Variants in ZNF718 observed in about 807,000 individuals in gnomAD.
ZNF718 encodes zinc finger protein 718.
Under a neutral mutation model 2.6 loss-of-function variants are expected in ZNF718, and 3 were observed. That is an observed-to-expected ratio of 1.16 (90% CI 0.53 to 3.01). The LOEUF is 3.01. ZNF718 is among the 30% of genes most tolerant of loss of function. The pLI is 0.03. For missense variants in ZNF718, 468 were observed against 230.0 expected (o/e 2.03, Z -6.69); for synonymous variants, 135 against 77.9 (o/e 1.73, Z -3.86).
At chr4:160,070 T>A (rs559936632) in intron 3 of ZNF718, among the ~76,000 whole-genome samples, 2 of 152,350 alleles carry the variant, frequency 1.3e-5, no homozygotes, top group African/African-American at 2.4e-5. Context: ...CTGTTCCCTG[T>A]TTTTAGCACT....
chr4:189,059 ATTTTTT>A (rs1228743332), intron 3 of ZNF718, among the ~76,000 whole-genome samples: 59 of 134,832 alleles, frequency 4.4e-4, no homozygotes, highest in Non-Finnish European at 1.9e-4. Context: ...TCTGTAGATT[ATTTTTT>A]TTTTTTTTTT....
chr4:182,493 G>A (rs1458974231), intron 3 of ZNF718, among the ~76,000 whole-genome samples: 4 of 151,878 alleles, frequency 2.6e-5, no homozygotes, highest in South Asian at 2.1e-4. Flanking sequence ...GAGTGCAGTG[G>A]CATGATCTCG....
chr4:187,973 G>T (rs4522818), intron 3 of ZNF718, among the ~76,000 whole-genome samples: 19,352 of 152,162 alleles, frequency 0.13, 1,699 homozygotes, highest in Admixed American at 0.24. Flanking sequence ...GGGAGTACCT[G>T]CCCAGCAAGG....
chr4:124,921 C>T (rs1715129367), intron 1 of ZNF718: 2 of 447,724 alleles, frequency 4.5e-6, no homozygotes, highest in African/African-American at 2.0e-5. Context: ...AGTAGGAGCT[C>T]ATCCGGAAGA....
chr4:172,461 A>G (rs1717258347), intron 3 of ZNF718, among the ~76,000 whole-genome samples: 1 of 152,228 alleles, frequency 6.6e-6, no homozygotes. Flanking sequence ...AATCATAGCT[A>G]ATTTGTGCCA....
At position 161,989 on chromosome 4, in the gene ZNF718, C is replaced by A. The variant is rs1553815511; in HGVS notation, c.1304C>A (p.Ser435Tyr). Residue 435 changes from serine (S) to tyrosine (Y), a missense_variant, in exon 4 of 4, where the codon TCC becomes TAC. Coordinates refer to ENST00000510175, the MANE Select transcript of ZNF718 (RefSeq NM_001039127.6). The stretch of plus-strand genomic sequence containing the variant: ...CAATGTGGCAAAGCCTTTAAACAGT[C>A]CTCACACTTGAATAAACATAAGAAA... Reference protein sequence around the residue: ...CKQCGKAFKQSSHLNKHKKIH... With the variant: ...CKQCGKAFKQYSHLNKHKKIH... The A allele has an allele frequency of 1.3e-6, 1 of 779,712 alleles. No individual in the cohort carries two copies. Among genetic ancestry groups the A allele is most frequent in the Non-Finnish European group, 2.4e-6 (1 of 417,410 alleles). 48.3% of individuals were successfully genotyped at this position (779,712 alleles called of 1,614,324 possible).
chr4:157,550 A>G (rs991928766), intron 3 of ZNF718, among the ~76,000 whole-genome samples: 7 of 152,192 alleles, frequency 4.6e-5, no homozygotes, highest in Non-Finnish European at 1.0e-4. Flanking sequence ...TCTGATTATT[A>G]CATTCAACAG....
At position 124,620 on chromosome 4, in the gene ZNF718, G is replaced by A; in HGVS notation, c.-51G>A. 1 of 1,603,584 alleles carries A rather than the reference G, an allele frequency of 6.2e-7. No homozygotes were observed. The highest frequency in any genetic ancestry group is 8.5e-7 in the Non-Finnish European group (1 of 1,178,862). On this transcript the variant is annotated 5_prime_UTR_variant, in exon 1 of 4. Transcript: ENST00000510175. ...AGCCTCTGTGGCTCTGTGACCTGCCGGTATTGGATGATTCGTATCTAAGAC... is the reference window on the plus strand; with the variant it reads ...AGCCTCTGTGGCTCTGTGACCTGCCAGTATTGGATGATTCGTATCTAAGAC...
rs1374658464 is a variant in ZNF718, at chr4:161,718, G to C, written c.1033G>C (p.Gly345Arg). ...GAAACCCTACAAATGTGAAGAATGTGGAAAATCCTTTAATAGGTCCACAAC... is the reference window on the plus strand; with the variant it reads ...GAAACCCTACAAATGTGAAGAATGTCGAAAATCCTTTAATAGGTCCACAAC... ...GEKPYKCEEC[G>R]KSFNRSTTLT... The change falls in exon 4 of 4, where the codon GGA (glycine) becomes CGA (arginine). Residue 345 changes from glycine (G) to arginine (R), a missense_variant. Coordinates refer to ENST00000510175, the MANE Select transcript of ZNF718 (RefSeq NM_001039127.6). 1.3e-6 allele frequency: 1 copy of C among 778,992 alleles called. No individual in the cohort carries two copies. Among genetic ancestry groups the C allele is most frequent in the African/African-American group, 1.7e-5 (1 of 59,026 alleles). 48.3% of individuals were successfully genotyped at this position (778,992 alleles called of 1,614,324 possible). A position where few individuals can be genotyped will look rare whatever the true frequency, so the allele number is the denominator to read the frequency against.
chr4:182,443 T>TTATTTAG (rs1560130797), intron 3 of ZNF718, among the ~76,000 whole-genome samples: 10 of 146,206 alleles, frequency 6.8e-5, no homozygotes, highest in African/African-American at 2.5e-4. Flanking sequence ...TATTTATTTA[T>TTATTTAG]TTATTTTTGA....
intron 3 of ZNF718, among the ~76,000 whole-genome samples, chr4:191,340 C>T (rs566909310): frequency 5.9e-4 from 89 of 151,770 alleles, no homozygotes; most frequent in African/African-American, 1.9e-3. Context: ...TTAGTAGAGA[C>T]GGGGTTTTAC....
chr4:175,367 A>G (rs1553818906), intron 3 of ZNF718, among the ~76,000 whole-genome samples: 2 of 152,202 alleles, frequency 1.3e-5, no homozygotes, highest in Non-Finnish European at 2.9e-5. Context: ...ATCACTTTTG[A>G]ATAAAACCCT....
Position 161,256 on chromosome 4 carries a change from A to C in ZNF718, c.571A>C (p.Arg191=). 1 of 778,678 alleles carries C rather than the reference A, an allele frequency of 1.3e-6. No individual in the cohort carries two copies. The highest frequency in any genetic ancestry group is 2.4e-6 in the Non-Finnish European group (1 of 418,352). 48.2% of individuals were successfully genotyped at this position (778,678 alleles called of 1,614,324 possible). Residue 191 remains arginine, a synonymous_variant, in exon 4 of 4, where the codon AGA becomes CGA. Transcript: ENST00000510175. ...HVLSRLTQHK[R]IHTGENPYTC... ...GCTCTCACGCCTAACTCAACACAAA[A>C]GAATTCATACTGGAGAGAACCCCTA...
chr4:160,553 G>T (rs183549797), intron 3 of ZNF718, among the ~76,000 whole-genome samples: 274 of 150,996 alleles, frequency 1.8e-3, no homozygotes, highest in Admixed American at 4.1e-3. Flanking sequence ...TTACTTATTT[G>T]TTTATTTATT....
At chr4:165,056 A>G (rs1553816501), downstream of ZNF718, among the ~76,000 whole-genome samples, 19 of 152,234 alleles carry the variant, frequency 1.2e-4, no homozygotes. Flanking sequence ...TTTATATTCT[A>G]ATTATCTTCA....
intron 3 of ZNF718, among the ~76,000 whole-genome samples, chr4:143,585 C>T (rs1715908962): frequency 6.6e-6 from 1 of 152,166 alleles, no homozygotes; most frequent in Non-Finnish European, 1.5e-5. Flanking sequence ...GTTGCTTGTG[C>T]CAAGACTTTA....
rs782282320 is a variant in ZNF718 at position 161,277 on chromosome 4, C to A, written c.592C>A (p.Pro198Thr). ...CAAAAGAATTCATACTGGAGAGAAC[C>A]CCTACACATGTGAAGAATGTGGCAA... Reference protein sequence around the residue: ...QHKRIHTGENPYTCEECGKAF... With the variant: ...QHKRIHTGENTYTCEECGKAF... Residue 198 changes from proline to threonine, a missense_variant, in exon 4 of 4, where the codon CCC becomes ACC. Pro to Thr is a conservative substitution (Grantham distance 38). Transcript: ENST00000510175. 3 of 781,892 alleles carry A rather than the reference C, an allele frequency of 3.8e-6. No homozygotes were observed. The highest frequency in any genetic ancestry group is 2.7e-5 in the South Asian group (2 of 74,572). The allele number at this position is 781,892 out of a possible 1,614,324, so 48.4% of individuals were successfully genotyped here.
intron 3 of ZNF718, among the ~76,000 whole-genome samples, chr4:177,286 A>G (rs1237280087): frequency 2.0e-5 from 3 of 152,184 alleles, no homozygotes; most frequent in Non-Finnish European, 4.4e-5. Flanking sequence ...TTATCTTATG[A>G]CTGTAGTTCT....
intron 3 of ZNF718, among the ~76,000 whole-genome samples, chr4:170,847 C>T (rs1432435407): frequency 6.6e-6 from 1 of 152,180 alleles, no homozygotes; most frequent in African/African-American, 2.4e-5. Flanking sequence ...TGTCTCAACT[C>T]ATCAAAGTCA....
Sources: allele counts gnomAD v4.1 joint callset (sites outside exome capture counted in the v4.1 genomes callset), GRCh38; gene constraint gnomAD v4.1.1; transcripts MANE v1.5; gene names NCBI Gene and HGNC (gene_info 2026-07-23, HGNC 2026-07-21).